The following EPHA6 variants were observed in gnomAD, a reference collection of about 807,000 sequenced individuals.
EPHA6 encodes EPH receptor A6.
In EPHA6, 50 loss-of-function variants were observed where a neutral mutation model predicts 112.0. That is an observed-to-expected ratio of 0.45 (90% CI 0.36 to 0.56). EPHA6 has a LOEUF of 0.56. EPHA6 is among the 20% of genes least tolerant of loss of function. EPHA6 has a pLI of 0.00. For missense variants in EPHA6, 1,280 were observed against 1,417.4 expected (o/e 0.90, Z 1.56); for synonymous variants, 529 against 490.7 (o/e 1.08, Z -1.03).
intron 5 of EPHA6, among the ~76,000 whole-genome samples, chr3:97,372,619 T>C (rs1383406501): frequency 1.3e-5 from 2 of 152,156 alleles, no homozygotes; most frequent in Non-Finnish European, 2.9e-5. Context: ...TTAAAATGAA[T>C]GAACCAGATG....
chr3:97,133,563 CATA>C (rs1372181976), intron 3 of EPHA6, among the ~76,000 whole-genome samples: 1 of 151,908 alleles, frequency 6.6e-6, no homozygotes, highest in Non-Finnish European at 1.5e-5. Flanking sequence ...TTAAAATTAT[CATA>C]AAATATCCCT....
intron 7 of EPHA6, among the ~76,000 whole-genome samples, chr3:97,452,603 G>T (rs1374208435): frequency 6.6e-6 from 1 of 151,470 alleles, no homozygotes; most frequent in Non-Finnish European, 1.5e-5. Context: ...TATCAAAACT[G>T]CAATAAAATT....
chr3:97,443,621 T>A (rs896731297), intron 6 of EPHA6, among the ~76,000 whole-genome samples: 1 of 152,174 alleles, frequency 6.6e-6, no homozygotes, highest in African/African-American at 2.4e-5. Context: ...TCTGCCTATA[T>A]GACATAAAAT....
At chr3:97,558,237 T>A (rs1290248089) in intron 11 of EPHA6, among the ~76,000 whole-genome samples, 3 of 151,982 alleles carry the variant, frequency 2.0e-5, no homozygotes, top group Non-Finnish European at 4.4e-5. Flanking sequence ...TGAAGGCATA[T>A]TTGTCTGTAG....
At chr3:97,092,811 C>G (rs757052879) in intron 3 of EPHA6, among the ~76,000 whole-genome samples, 1 of 151,832 alleles carries the variant, frequency 6.6e-6, no homozygotes, top group Non-Finnish European at 1.5e-5. Context: ...TTCCATGTTT[C>G]ACTATTTATT....
intron 3 of EPHA6, among the ~76,000 whole-genome samples, chr3:97,155,340 C>A (rs552877434): frequency 6.6e-6 from 1 of 152,240 alleles, no homozygotes; most frequent in East Asian, 1.9e-4. Context: ...CATTCAGTTT[C>A]TCTGAGACCC....
chr3:97,329,668 GT>G (rs1209012533), intron 5 of EPHA6, among the ~76,000 whole-genome samples: 1 of 151,982 alleles, frequency 6.6e-6, no homozygotes, highest in Non-Finnish European at 1.5e-5. Context: ...GGGGTTGTTT[GT>G]TTTTTTCTTG....
chr3:97,638,919 T>C (rs1488953403), intron 14 of EPHA6, among the ~76,000 whole-genome samples: 2 of 152,188 alleles, frequency 1.3e-5, no homozygotes, highest in Non-Finnish European at 2.9e-5. Flanking sequence ...TTTCTCACTT[T>C]ACACATTATT....
At chr3:97,538,317 G>A (rs766340053) in intron 11 of EPHA6, among the ~76,000 whole-genome samples, 14 of 152,176 alleles carry the variant, frequency 9.2e-5, no homozygotes, top group Non-Finnish European at 1.5e-4. Flanking sequence ...GGGGAATGAG[G>A]ACGATGGAAC....
At chr3:96,889,341 T>C (rs917136560) in intron 2 of EPHA6, among the ~76,000 whole-genome samples, 1 of 152,152 alleles carries the variant, frequency 6.6e-6, no homozygotes, top group Non-Finnish European at 1.5e-5. Flanking sequence ...TTTACTGTAT[T>C]AGTGCATTTT....
At chr3:97,102,726 T>C (rs965577705) in intron 3 of EPHA6, among the ~76,000 whole-genome samples, 2 of 152,070 alleles carry the variant, frequency 1.3e-5, no homozygotes, top group Non-Finnish European at 2.9e-5. Context: ...TTGAACTAAT[T>C]TACACCCCCA....
chr3:97,093,784 C>T (rs183415733), intron 3 of EPHA6, among the ~76,000 whole-genome samples: 427 of 152,130 alleles, frequency 2.8e-3, no homozygotes, highest in Non-Finnish European at 4.0e-3. Flanking sequence ...CCATTCCTCC[C>T]GAATGCTGAT....
At chr3:97,689,038 G>C (rs2032466777) in intron 14 of EPHA6, among the ~76,000 whole-genome samples, 1 of 151,978 alleles carries the variant, frequency 6.6e-6, no homozygotes, top group Non-Finnish European at 1.5e-5. Flanking sequence ...ACTTTGACAT[G>C]CCTCCTATTT....
intron 2 of EPHA6, among the ~76,000 whole-genome samples, chr3:96,907,134 A>G (rs917555283): frequency 6.6e-6 from 1 of 151,898 alleles, no homozygotes; most frequent in Non-Finnish European, 1.5e-5. Context: ...CATATATACA[A>G]TGGGCATGTC....
chr3:97,581,391 ATTTTTAAATGTTACCTTTAC>A (rs971335977), intron 11 of EPHA6, among the ~76,000 whole-genome samples: 2 of 152,218 alleles, frequency 1.3e-5, no homozygotes, highest in African/African-American at 4.8e-5. Flanking sequence ...TGTAACTCCC[ATTTTTAAATGTTACCTTTAC>A]AATTAACCCC....
At chr3:97,637,607 T>A (rs1365392079) in intron 13 of EPHA6, among the ~76,000 whole-genome samples, 1 of 152,192 alleles carries the variant, frequency 6.6e-6, no homozygotes, top group Non-Finnish European at 1.5e-5. Flanking sequence ...CCTAAGCTTT[T>A]GAAATAATTT....
intron 6 of EPHA6, among the ~76,000 whole-genome samples, chr3:97,424,229 A>G (rs2107200470): frequency 6.6e-6 from 1 of 152,260 alleles, no homozygotes; most frequent in Admixed American, 6.5e-5. Context: ...GTATGGGGAA[A>G]CTGTCCCCAT....
intron 2 of EPHA6, among the ~76,000 whole-genome samples, chr3:96,958,051 G>C (rs977272137): frequency 1.3e-5 from 2 of 152,110 alleles, no homozygotes; most frequent in Non-Finnish European, 2.9e-5. Context: ...ACTACTCATT[G>C]AATATTAGAT....
chr3:97,567,759 C>T (rs2093286154), intron 11 of EPHA6, among the ~76,000 whole-genome samples: 1 of 152,112 alleles, frequency 6.6e-6, no homozygotes, highest in South Asian at 2.1e-4. Flanking sequence ...CAAGAGGCAG[C>T]TCAGGAAAAC....
Sources: gnomAD v4.1 joint callset for allele counts (sites outside exome capture counted in the v4.1 genomes callset) on GRCh38, gnomAD v4.1.1 for gene constraint, MANE v1.5 for transcripts, NCBI Gene and HGNC (gene_info 2026-07-23, HGNC 2026-07-21) for gene names.